SDK2: variants seen among roughly 807,000 people sequenced by gnomAD.
SDK2 encodes sidekick cell adhesion molecule 2, also known as protein sidekick-2.
In SDK2, 105 loss-of-function variants were observed where a neutral mutation model predicts 253.9. The observed-to-expected ratio is 0.41, with a 90% CI of 0.35 to 0.49. SDK2 has a LOEUF of 0.49. Among genes scored for constraint, SDK2 ranks in the 20% least tolerant of loss-of-function variants. The pLI, the probability that SDK2 is intolerant of heterozygous loss-of-function variation, is 0.06. For synonymous variants in SDK2, 1,249 were observed against 1,234.9 expected, an observed-to-expected ratio of 1.01 and a Z score of -0.24; for missense variants, 2,608 against 3,003.0, an observed-to-expected ratio of 0.87 and a Z score of 3.07.
chr17:73,535,199 G>A (rs1484807839), intron 1 of SDK2, among the ~76,000 whole-genome samples: 2 of 152,180 alleles, frequency 1.3e-5, no homozygotes, highest in Middle Eastern at 3.2e-3. Context: ...AATAGGCTGC[G>A]TACATTTCCC....
chr17:73,580,896 G>T (rs1328198802), intron 1 of SDK2, among the ~76,000 whole-genome samples: 1 of 152,162 alleles, frequency 6.6e-6, no homozygotes, highest in African/African-American at 2.4e-5. Flanking sequence ...GCTCATTGGA[G>T]CATTTTGAAT....
chr17:73,380,227 G>T (rs1317434801), intron 34 of SDK2, among the ~76,000 whole-genome samples: 6 of 152,118 alleles, frequency 3.9e-5, no homozygotes, highest in African/African-American at 1.4e-4. Context: ...TGTGAGAGGG[G>T]TGTCACCCTT....
intron 1 of SDK2, among the ~76,000 whole-genome samples, chr17:73,600,738 G>T (rs1032649290): frequency 6.6e-6 from 1 of 152,230 alleles, no homozygotes; most frequent in Admixed American, 6.5e-5. Flanking sequence ...ATTTATTGTT[G>T]TGAAAACAAA....
rs1325308807 is a variant in SDK2, at chr17:73,565,121, CT to C, written c.65-57525del. On this transcript the variant is annotated intron_variant, in intron 1 of 44. Transcript: ENST00000392650. ...GCTAAATCCAGATAGAAAATCCAGT[CT>C]TACTGGCTTAAACAACTAGAGGACA... Among the ~76,000 whole-genome samples, 11 of 152,356 alleles carry C rather than the reference CT, an allele frequency of 7.2e-5. No homozygotes were observed. In the East Asian group the frequency reaches 1.5e-3, roughly 21 times the overall value.
chr17:73,430,497 A>G lies in SDK2; in HGVS notation c.1583+14T>C. The G allele has an allele frequency of 6.3e-7, 1 of 1,590,796 alleles. No homozygotes were observed. The highest frequency in any genetic ancestry group is 8.6e-7 in the Non-Finnish European group (1 of 1,164,586). On this transcript the variant is annotated intron_variant, in intron 12 of 44. Transcript: ENST00000392650. ...CCCTCCCCTCTTGCCTGGAGTCAAC[A>G]GCAGAGCCAGTACCTGATGGTTACT...
intron 1 of SDK2, among the ~76,000 whole-genome samples, chr17:73,563,339 G>A (rs763086230): frequency 7.9e-5 from 12 of 152,170 alleles, no homozygotes; most frequent in Admixed American, 5.9e-4. Context: ...TTTGGGAGGC[G>A]GGGGCAGGAG....
At chr17:73,355,174 A>ATATTTTTTTT in intron 40 of SDK2, among the ~76,000 whole-genome samples, 1,985 of 47,000 alleles carry the variant, frequency 0.042, 167 homozygotes, top group African/African-American at 0.066. Flanking sequence ...ATATATATAT[A>ATATTTTTTTT]TTTTTTTTTT....
chr17:73,454,585 C>G (rs1354039414), intron 4 of SDK2, among the ~76,000 whole-genome samples: 1 of 152,234 alleles, frequency 6.6e-6, no homozygotes, highest in East Asian at 1.9e-4. Flanking sequence ...AGAGCATCTT[C>G]TTCCTCACAG....
intron 20 of SDK2, 143 bp from the exon 21 acceptor site, chr17:73,401,354 G>A (rs968461818): frequency 5.0e-6 from 4 of 805,434 alleles, no homozygotes; most frequent in Non-Finnish European, 7.8e-6. Context: ...GGAGCTGTTG[G>A]CATCATGCCC....
chr17:73,545,538 G>A (rs1045151920), intron 1 of SDK2, among the ~76,000 whole-genome samples: 10 of 152,288 alleles, frequency 6.6e-5, no homozygotes, highest in East Asian at 1.9e-4. Flanking sequence ...ATGCCCTGCC[G>A]CAAGCAGGCA....
chr17:73,633,974 T>C (rs988004650), intron 1 of SDK2, among the ~76,000 whole-genome samples: 1 of 152,126 alleles, frequency 6.6e-6, no homozygotes, highest in Non-Finnish European at 1.5e-5. Context: ...GGAGGCGAGA[T>C]TGCAGTGGCA....
rs148764472 is a variant in SDK2 at position 73,459,586 on chromosome 17, A to G, written c.332-3533T>C. Among the ~76,000 whole-genome samples, 902 of 152,298 alleles carry G rather than the reference A, an allele frequency of 5.9e-3. 9 individuals are homozygous for G. Among genetic ancestry groups the G allele is most frequent in the African/African-American group, 0.02 (851 of 41,562 alleles). On this transcript the variant is annotated intron_variant, in intron 3 of 44. Transcript: ENST00000392650. ...AATCTGCTGCTGGCATCCTTGTTCT[A>G]TACTTGGTAGACAGTGTGTGTAATG...
chr17:73,526,801 G>A (rs371486100), intron 1 of SDK2, among the ~76,000 whole-genome samples: 12 of 152,172 alleles, frequency 7.9e-5, no homozygotes, highest in Non-Finnish European at 5.9e-5. Context: ...GGACAGTTAC[G>A]TGCAGTGTGA....
chr17:73,510,519 A>G (rs1309230210), intron 1 of SDK2, among the ~76,000 whole-genome samples: 1 of 151,698 alleles, frequency 6.6e-6, no homozygotes, highest in African/African-American at 2.4e-5. Flanking sequence ...TTTGTTTTGG[A>G]GACAGGGTCT....
At position 73,415,946 on chromosome 17, in the gene SDK2, TG is replaced by T; in HGVS notation, c.2232del (p.Thr745ArgfsTer5). 1 of 1,611,654 alleles carries T rather than the reference TG, an allele frequency of 6.2e-7. No individual in the cohort carries two copies. The highest frequency in any genetic ancestry group is 8.5e-7 in the Non-Finnish European group (1 of 1,179,120). ...GLPVGYQFKNITDADVNNLLL... is the reference protein window; with the variant it reads ...GLPVGYQFKNXTDADVNNLLL... ...AGCAGGTTGTTCACATCAGCATCCG[TG>T]ATGTTCTTAAACTGGTACCCCACGG... On this transcript the variant is annotated frameshift_variant, in exon 17 of 45. Transcript: ENST00000392650. LOFTEE classifies it high-confidence loss of function.
At chr17:73,594,910 ACAGCACACAC>A (rs1206757841) in intron 1 of SDK2, among the ~76,000 whole-genome samples, 1 of 151,902 alleles carries the variant, frequency 6.6e-6, no homozygotes, top group African/African-American at 2.4e-5. Flanking sequence ...ACAAATACAC[ACAGCACACAC>A]CTGCACACAG....
chr17:73,387,208 C>T (rs1251289375), intron 30 of SDK2, among the ~76,000 whole-genome samples: 6 of 152,234 alleles, frequency 3.9e-5, no homozygotes, highest in African/African-American at 1.2e-4. Flanking sequence ...GATCCTCCCG[C>T]CTCGGCCTCC....
chr17:73,366,379 C>T (rs965630490), intron 37 of SDK2, among the ~76,000 whole-genome samples: 3 of 152,146 alleles, frequency 2.0e-5, no homozygotes, highest in African/African-American at 7.2e-5. Flanking sequence ...TTCAGCAGCT[C>T]ACGCTCATTC....
chr17:73,569,490 G>C (rs967317073), intron 1 of SDK2, among the ~76,000 whole-genome samples: 1 of 151,984 alleles, frequency 6.6e-6, no homozygotes, highest in Non-Finnish European at 1.5e-5. Context: ...GAGGCACCGT[G>C]CTGGGCCCCA....
Sources: gnomAD v4.1 joint callset for allele counts (sites outside exome capture counted in the v4.1 genomes callset) on GRCh38, gnomAD v4.1.1 for gene constraint, MANE v1.5 for transcripts, NCBI Gene and HGNC (gene_info 2026-07-23, HGNC 2026-07-21) for gene names.